The following TBC1D5 variants were observed in gnomAD, a reference collection of about 807,000 sequenced individuals.
TBC1D5 encodes the protein TBC1 domain family, member 5.
A neutral mutation model predicts 100.3 loss-of-function variants in TBC1D5; 75 were observed. The ratio of observed to expected loss-of-function variants is 0.75; its 90% CI spans 0.62 to 0.91. TBC1D5 has a LOEUF of 0.91. Among genes scored for constraint, TBC1D5 ranks in the 40% least tolerant of loss-of-function variants. TBC1D5 has a pLI of 0.00. For missense variants in TBC1D5, 910 were observed against 942.4 expected, an observed-to-expected ratio of 0.97 and a Z score of 0.45; for synonymous variants, 323 against 325.6, an observed-to-expected ratio of 0.99 and a Z score of 0.09.
chr3:17,228,425 CA>C (rs1465529140), intron 17 of TBC1D5, among the ~76,000 whole-genome samples: 1 of 152,156 alleles, frequency 6.6e-6, no homozygotes, highest in Non-Finnish European at 1.5e-5. Context: ...AGATGGCTCC[CA>C]AATCTAGAGC....
chr3:17,571,333 C>T (rs2096625833), intron 2 of TBC1D5, among the ~76,000 whole-genome samples: 1 of 151,952 alleles, frequency 6.6e-6, no homozygotes, highest in African/African-American at 2.4e-5. Context: ...GTGCTGCTAA[C>T]ATTTTATTCT....
At chr3:17,378,478 T>C (rs554218553) in intron 9 of TBC1D5, among the ~76,000 whole-genome samples, 5 of 152,018 alleles carry the variant, frequency 3.3e-5, no homozygotes, top group Non-Finnish European at 5.9e-5. Flanking sequence ...ACCCCAAAAT[T>C]TTATTGACCG....
At chr3:17,280,161 A>G (rs960977405) in intron 15 of TBC1D5, among the ~76,000 whole-genome samples, 1 of 152,208 alleles carries the variant, frequency 6.6e-6, no homozygotes, top group Non-Finnish European at 1.5e-5. Context: ...TAATATAACA[A>G]ATCAGTAAAC....
intron 15 of TBC1D5, among the ~76,000 whole-genome samples, chr3:17,258,934 C>T (rs918946744): frequency 1.3e-5 from 2 of 151,994 alleles, no homozygotes; most frequent in African/African-American, 4.8e-5. Context: ...ACAAACTATG[C>T]CAAGGGATGG....
At chr3:17,218,770 C>A (rs1407469177) in intron 17 of TBC1D5, among the ~76,000 whole-genome samples, 1 of 152,002 alleles carries the variant, frequency 6.6e-6, no homozygotes, top group Non-Finnish European at 1.5e-5. Flanking sequence ...GAGAAGTCAG[C>A]TGTCAATCTT....
At chr3:17,583,967 C>T (rs1463440569) in intron 2 of TBC1D5, among the ~76,000 whole-genome samples, 3 of 151,902 alleles carry the variant, frequency 2.0e-5, no homozygotes, top group South Asian at 2.1e-4. Flanking sequence ...TGTGTATGAA[C>T]GAATAAATGG....
chr3:17,623,636 T>G (rs573965780), intron 2 of TBC1D5: 1 of 152,506 alleles, frequency 6.6e-6, no homozygotes, highest in African/African-American at 2.4e-5. Flanking sequence ...AGCCAGGAAC[T>G]GTCTCCAATT....
chr3:17,200,082 T>C (rs900220278), intron 18 of TBC1D5, among the ~76,000 whole-genome samples: 4 of 152,196 alleles, frequency 2.6e-5, no homozygotes, highest in Non-Finnish European at 2.9e-5. Context: ...AATTTTCTTA[T>C]TCTTTTCTCT....
intron 2 of TBC1D5, among the ~76,000 whole-genome samples, chr3:17,552,964 A>C (rs945635688): frequency 6.6e-6 from 1 of 152,130 alleles, no homozygotes; most frequent in African/African-American, 2.4e-5. Flanking sequence ...GTTTTTGTTT[A>C]CTATTAATGT....
intron 2 of TBC1D5, among the ~76,000 whole-genome samples, chr3:17,536,600 C>T (rs1326496607): frequency 6.6e-6 from 1 of 152,126 alleles, no homozygotes; most frequent in Admixed American, 6.5e-5. Context: ...AATAAGGGAC[C>T]ATGACCTGGG....
chr3:17,357,724 T>G (rs1047134762), intron 13 of TBC1D5, among the ~76,000 whole-genome samples: 15 of 152,208 alleles, frequency 9.9e-5, no homozygotes, highest in Non-Finnish European at 1.8e-4. Context: ...GCTTTGCAAA[T>G]AAGAACTCCA....
intron 1 of TBC1D5, among the ~76,000 whole-genome samples, chr3:17,703,366 C>A (rs1200223960): frequency 6.6e-6 from 1 of 151,892 alleles, no homozygotes; most frequent in Admixed American, 6.6e-5. Context: ...CCAAAACTAA[C>A]CATTTCACTT....
At chr3:17,547,494 T>A (rs2096430428) in intron 2 of TBC1D5, among the ~76,000 whole-genome samples, 1 of 152,190 alleles carries the variant, frequency 6.6e-6, no homozygotes, top group Non-Finnish European at 1.5e-5. Flanking sequence ...ATTTAAAATT[T>A]TACCAGCAAC....
chr3:17,522,760 T>TC (rs2096076792), intron 2 of TBC1D5, among the ~76,000 whole-genome samples: 1 of 152,138 alleles, frequency 6.6e-6, no homozygotes, highest in Admixed American at 6.5e-5. Flanking sequence ...GCATACTATC[T>TC]CCAAAATTTC....
intron 17 of TBC1D5, among the ~76,000 whole-genome samples, chr3:17,224,659 G>C (rs1196709799): frequency 6.6e-6 from 1 of 152,068 alleles, no homozygotes; most frequent in Non-Finnish European, 1.5e-5. Context: ...AACAAAATAG[G>C]GTAATGATAT....
At chr3:17,663,158 A>T (rs1201610574) in intron 1 of TBC1D5, 1 of 152,232 alleles carries the variant, frequency 6.6e-6, no homozygotes, top group African/African-American at 2.4e-5. Flanking sequence ...CCCAAAACTG[A>T]TAATTTTAAA....
At chr3:17,183,325 T>C (rs934473236) in intron 19 of TBC1D5, among the ~76,000 whole-genome samples, 21 of 152,318 alleles carry the variant, frequency 1.4e-4, no homozygotes, top group African/African-American at 4.6e-4. Flanking sequence ...AGGGCAGAAG[T>C]CTGTACTTCT....
At chr3:17,360,672 C>T in intron 13 of TBC1D5, among the ~76,000 whole-genome samples, 1 of 151,820 alleles carries the variant, frequency 6.6e-6, no homozygotes, top group East Asian at 1.9e-4. Context: ...ATATGCATAG[C>T]AATCTTTAAT....
chr3:17,552,223 G>A (rs1036775904), intron 2 of TBC1D5, among the ~76,000 whole-genome samples: 2 of 151,696 alleles, frequency 1.3e-5, no homozygotes, highest in Non-Finnish European at 2.9e-5. Context: ...AATCACCGAA[G>A]TATCAAAGAA....
Sources: gnomAD v4.1 joint callset for allele counts (sites outside exome capture counted in the v4.1 genomes callset) on GRCh38, gnomAD v4.1.1 for gene constraint, MANE v1.5 for transcripts, NCBI Gene and HGNC (gene_info 2026-07-23, HGNC 2026-07-21) for gene names.